The following TENM1 variants were observed in gnomAD, a reference collection of about 807,000 sequenced individuals.
TENM1 encodes the protein teneurin transmembrane protein 1.
Under a neutral mutation model 174.8 loss-of-function variants are expected in TENM1, and 35 were observed. That is an observed-to-expected ratio of 0.20 (90% CI 0.15 to 0.27). The LOEUF is 0.27. TENM1 is among the 10% of genes least tolerant of loss of function. The pLI is 1.00. For missense variants in TENM1, 1,633 were observed against 2,130.1 expected, an observed-to-expected ratio of 0.77 and a Z score of 4.59; for synonymous variants, 781 against 798.7, an observed-to-expected ratio of 0.98 and a Z score of 0.37.
chrX:125,112,171 T>A, the TENM1 span, among the ~76,000 whole-genome samples: 3 of 92,744 alleles, frequency 3.2e-5, no homozygotes, highest in Non-Finnish European at 6.6e-5. Flanking sequence ...TGTGTGTGTG[T>A]GAGTGAGGGG....
At chrX:125,116,033 G>A in the TENM1 span, among the ~76,000 whole-genome samples, 102 of 111,839 alleles carry the variant, frequency 9.1e-4, no homozygotes, top group Non-Finnish European at 1.7e-3. Flanking sequence ...CATGGTAGTG[G>A]TACCAAAACA....
intron 3 of TENM1, among the ~76,000 whole-genome samples, chrX:124,850,680 C>T (rs767078473): frequency 1.8e-5 from 2 of 110,651 alleles, no homozygotes; most frequent in Non-Finnish European, 1.9e-5. Flanking sequence ...AAATTAAAGT[C>T]CTACCACAAA....
At chrX:124,852,770 C>T (rs770193880) in intron 3 of TENM1, among the ~76,000 whole-genome samples, 37 of 111,033 alleles carry the variant, frequency 3.3e-4, no homozygotes, top group African/African-American at 7.8e-4. Flanking sequence ...AGAAAAGGTC[C>T]GAGGACAGAT....
At chrX:125,091,623 G>A in the TENM1 span, among the ~76,000 whole-genome samples, 2 of 110,955 alleles carry the variant, frequency 1.8e-5, no homozygotes, top group Non-Finnish European at 3.8e-5. Flanking sequence ...CAGGTAAGGG[G>A]ACTAGCCCAG....
chrX:124,830,132 T>C (rs371149306), intron 3 of TENM1, among the ~76,000 whole-genome samples: 1 of 111,732 alleles, frequency 8.9e-6, no homozygotes, highest in East Asian at 2.8e-4. Context: ...TGAGGACATG[T>C]GTCATATGCA....
At chrX:124,845,740 G>C (rs1390786868) in intron 3 of TENM1, among the ~76,000 whole-genome samples, 1 of 109,963 alleles carries the variant, frequency 9.1e-6, no homozygotes, top group African/African-American at 3.3e-5. Flanking sequence ...ATAAGGTAGG[G>C]AAATTACAGG....
intron 6 of TENM1, among the ~76,000 whole-genome samples, chrX:124,671,428 C>G (rs1040469984): frequency 2.7e-5 from 3 of 111,483 alleles, no homozygotes; most frequent in Non-Finnish European, 5.7e-5. Context: ...TGTATTGAAG[C>G]CTCCATTCTG....
At chrX:125,169,037 G>C in the TENM1 span, among the ~76,000 whole-genome samples, 1 of 110,223 alleles carries the variant, frequency 9.1e-6, no homozygotes, top group African/African-American at 3.3e-5. Context: ...TATCCTAGAG[G>C]GTAAGCATTT....
intron 27 of TENM1, among the ~76,000 whole-genome samples, chrX:124,398,268 C>T (rs12855230): frequency 8.2e-5 from 9 of 109,285 alleles, no homozygotes; most frequent in Admixed American, 2.9e-4. Flanking sequence ...GTACCACATG[C>T]TACTTTACTC....
At chrX:125,176,846 A>C in the TENM1 span, among the ~76,000 whole-genome samples, 3 of 111,704 alleles carry the variant, frequency 2.7e-5, no homozygotes, top group Non-Finnish European at 1.9e-5. Flanking sequence ...AATAAGATGA[A>C]TAATAACTTC....
intron 3 of TENM1, among the ~76,000 whole-genome samples, chrX:124,787,743 C>T (rs1274085796): frequency 1.8e-5 from 2 of 112,225 alleles, no homozygotes; most frequent in Non-Finnish European, 3.8e-5. Flanking sequence ...TTAACTCCTC[C>T]AGTTCCCTAA....
intron 3 of TENM1, among the ~76,000 whole-genome samples, chrX:124,862,414 G>C (rs1039393250): frequency 5.5e-4 from 62 of 111,867 alleles, no homozygotes; most frequent in African/African-American, 1.7e-3. Flanking sequence ...CCCATTGCCC[G>C]TGGCAGCAGC....
At chrX:124,692,764 TG>T (rs1217065374) in intron 5 of TENM1, among the ~76,000 whole-genome samples, 1 of 109,438 alleles carries the variant, frequency 9.1e-6, no homozygotes, top group Non-Finnish European at 1.9e-5. Context: ...CCCAGCACTT[TG>T]GGAGTCTGAG....
the TENM1 span, among the ~76,000 whole-genome samples, chrX:125,071,568 A>G: frequency 2.7e-5 from 3 of 112,220 alleles, no homozygotes; most frequent in Non-Finnish European, 5.6e-5. Context: ...GAAATAAAAG[A>G]TAGATGTGCT....
At chrX:124,914,491 T>C (rs917255404) in intron 1 of TENM1, among the ~76,000 whole-genome samples, 1 of 111,806 alleles carries the variant, frequency 8.9e-6, no homozygotes, top group South Asian at 3.7e-4. Flanking sequence ...AGGTTGTATA[T>C]CCAACTATTC....
chrX:124,658,779 T>A (rs2051515032), intron 6 of TENM1, among the ~76,000 whole-genome samples: 1 of 112,219 alleles, frequency 8.9e-6, no homozygotes, highest in African/African-American at 3.2e-5. Flanking sequence ...AGTAGCTTAT[T>A]TAGTATTGCT....
At chrX:124,517,788 T>C (rs1461551269) in intron 18 of TENM1, among the ~76,000 whole-genome samples, 2 of 108,695 alleles carry the variant, frequency 1.8e-5, no homozygotes, top group Non-Finnish European at 3.8e-5. Context: ...GTTGTGCACA[T>C]GTACCCTACA....
the TENM1 span, among the ~76,000 whole-genome samples, chrX:125,077,529 G>A: frequency 9.0e-6 from 1 of 111,479 alleles, no homozygotes; most frequent in South Asian, 3.7e-4. Context: ...ATATTTTCCA[G>A]GTGACTGAAT....
At chrX:125,010,012 A>G in the TENM1 span, among the ~76,000 whole-genome samples, 2 of 111,729 alleles carry the variant, frequency 1.8e-5, no homozygotes, top group South Asian at 7.6e-4. Context: ...TATTCAACAC[A>G]GTAATGGAAG....
Sources: gnomAD v4.1 joint callset for allele counts (sites outside exome capture counted in the v4.1 genomes callset) on GRCh38, gnomAD v4.1.1 for gene constraint, MANE v1.5 for transcripts, NCBI Gene and HGNC (gene_info 2026-07-23, HGNC 2026-07-21) for gene names.